Variants in TRPC4 observed in about 807,000 individuals in gnomAD.
TRPC4 encodes transient receptor potential cation channel subfamily C member 4, also known as short transient receptor potential channel 4.
TRPC4 carries 49 observed loss-of-function variants against 99.4 expected under a neutral mutation model. The ratio of observed to expected loss-of-function variants is 0.49; its 90% confidence interval spans 0.39 to 0.63. The LOEUF is 0.63. TRPC4 is among the 20% of genes least tolerant of loss of function. TRPC4 has a pLI of 0.00. For missense variants in TRPC4, 898 were observed against 1,152.9 expected (o/e 0.78, Z 3.20); for synonymous variants, 454 against 425.9 (o/e 1.07, Z -0.81).
chr13:37,822,507 G>A (rs1377215584), intron 1 of TRPC4, among the ~76,000 whole-genome samples: 6 of 149,040 alleles, frequency 4.0e-5, no homozygotes, highest in Non-Finnish European at 8.9e-5. Flanking sequence ...ATCTATGAGT[G>A]AGAATATGCG....
chr13:37,799,423 T>C (rs74047185), intron 1 of TRPC4, among the ~76,000 whole-genome samples: 3,568 of 152,268 alleles, frequency 0.023, 54 homozygotes, highest in Middle Eastern at 0.082. Context: ...AGAAACCCTC[T>C]TGACTGTCTA....
chr13:37,790,408 T>C (rs1238662718), intron 1 of TRPC4, among the ~76,000 whole-genome samples: 2 of 152,178 alleles, frequency 1.3e-5, no homozygotes, highest in African/African-American at 2.4e-5. Flanking sequence ...AACTTATTAA[T>C]AGCTATGTCA....
intron 8 of TRPC4, among the ~76,000 whole-genome samples, chr13:37,644,501 T>C (rs1405941460): frequency 6.6e-6 from 1 of 152,166 alleles, no homozygotes; most frequent in African/African-American, 2.4e-5. Context: ...GGTAGAATTA[T>C]AGCATGGTAG....
chr13:37,686,271 C>T (rs6563569), intron 4 of TRPC4, among the ~76,000 whole-genome samples: 84,812 of 151,644 alleles, frequency 0.56, 23,935 homozygotes, highest in Middle Eastern at 0.65. Flanking sequence ...TATATATATA[C>T]GCACACACAC....
intron 2 of TRPC4, among the ~76,000 whole-genome samples, chr13:37,762,358 C>G (rs540068583): frequency 6.6e-6 from 1 of 151,848 alleles, no homozygotes; most frequent in East Asian, 2.0e-4. Context: ...CCAGCCATCC[C>G]GTTACTGGTT....
At chr13:37,802,349 T>G (rs1239533146) in intron 1 of TRPC4, among the ~76,000 whole-genome samples, 2 of 152,148 alleles carry the variant, frequency 1.3e-5, no homozygotes, top group Admixed American at 1.3e-4. Flanking sequence ...GGATACCACA[T>G]TGCATTAGTC....
intron 3 of TRPC4, among the ~76,000 whole-genome samples, chr13:37,711,592 T>C (rs976219345): frequency 6.6e-6 from 1 of 152,058 alleles, no homozygotes; most frequent in Non-Finnish European, 1.5e-5. Context: ...CCATTCAAGA[T>C]ATAAGTCTCT....
At position 37,783,330 on chromosome 13, in the gene TRPC4, C is replaced by A; in HGVS notation, c.4G>T (p.Ala2Ser). The A allele has an allele frequency of 6.4e-7, 1 of 1,553,034 alleles. No homozygotes were observed. Among genetic ancestry groups the A allele is most frequent in the Non-Finnish European group, 8.7e-7 (1 of 1,150,832 alleles). ...ACATTTCTTTTGTAATAGAACTGAGCCATGTTTCATGCCATGCTATTTCTT... is the reference window on the plus strand; with the variant it reads ...ACATTTCTTTTGTAATAGAACTGAGACATGTTTCATGCCATGCTATTTCTT... Reference protein sequence around the residue: MAQFYYKRNVNA... With the variant: MSQFYYKRNVNA... Residue 2 changes from alanine (A) to serine (S), a missense_variant, in exon 2 of 11, where the codon GCT becomes TCT. By Grantham distance (99) the Ala-to-Ser change is moderately conservative. Transcript: ENST00000379705.
intron 1 of TRPC4, among the ~76,000 whole-genome samples, chr13:37,806,370 T>C (rs865910200): frequency 4.0e-4 from 61 of 152,128 alleles, no homozygotes; most frequent in African/African-American, 1.4e-3. Flanking sequence ...TTGGAACAAA[T>C]AAAAAGGTAG....
At chr13:37,866,664 T>A (rs549808378) in intron 1 of TRPC4, among the ~76,000 whole-genome samples, 34 of 151,898 alleles carry the variant, frequency 2.2e-4, no homozygotes, top group African/African-American at 7.7e-4. Context: ...TGATATTATA[T>A]CCCTGATCAA....
At chr13:37,739,851 A>G (rs919211121) in intron 3 of TRPC4, among the ~76,000 whole-genome samples, 1 of 152,114 alleles carries the variant, frequency 6.6e-6, no homozygotes, top group African/African-American at 2.4e-5. Flanking sequence ...ATAGCATGAA[A>G]TATTTTTCCC....
intron 1 of TRPC4, among the ~76,000 whole-genome samples, chr13:37,844,114 C>T (rs1958817392): frequency 2.0e-5 from 3 of 152,130 alleles, no homozygotes; most frequent in Admixed American, 2.0e-4. Flanking sequence ...TTGGAAATGC[C>T]AGCATGGCTA....
chr13:37,730,668 G>A lies in TRPC4; in HGVS notation c.897+15269C>T, dbSNP rs187377353. 8.6e-5 allele frequency among the ~76,000 whole-genome samples: 13 copies of A among 151,988 alleles called. No homozygotes were observed. The East Asian group carries it at 2.3e-3, about 27-fold the overall frequency. On this transcript the variant is annotated intron_variant, in intron 3 of 10. Coordinates refer to ENST00000379705, the MANE Select transcript of TRPC4 (RefSeq NM_016179.4). Reference sequence around the variant, plus strand: ...CAACCTTGATCTCTCTGAAGCTTAAGAAAGTAAAACAAGGTCTCCAAGATA... The same window carrying A: ...CAACCTTGATCTCTCTGAAGCTTAAAAAAGTAAAACAAGGTCTCCAAGATA...
intron 1 of TRPC4, among the ~76,000 whole-genome samples, chr13:37,838,090 C>T (rs538286139): frequency 6.6e-6 from 1 of 152,198 alleles, no homozygotes; most frequent in South Asian, 2.1e-4. Flanking sequence ...CACATGGAAC[C>T]GTAAGTCCAT....
intron 4 of TRPC4, among the ~76,000 whole-genome samples, chr13:37,684,881 C>G (rs943255480): frequency 1.3e-5 from 2 of 150,184 alleles, no homozygotes; most frequent in Non-Finnish European, 3.0e-5. Context: ...ATAAATTTAA[C>G]TTTAGAACAT....
Position 37,635,902 on chromosome 13 carries a change from C to T in TRPC4, c.*1001G>A, listed in dbSNP as rs964561724. Among the ~76,000 whole-genome samples the T allele has an allele frequency of 4.6e-5, 7 of 151,938 alleles. No homozygotes were observed. The highest frequency in any genetic ancestry group is 1.3e-4 in the Admixed American group (2 of 15,232). On this transcript the variant is annotated 3_prime_UTR_variant, in exon 11 of 11. Transcript: ENST00000379705. Reference sequence around the variant, plus strand: ...ATTTTAAAGAAATATATAAAGATTACTGGTGAAAAGAGGAGACTGCTAGTT... The same window carrying T: ...ATTTTAAAGAAATATATAAAGATTATTGGTGAAAAGAGGAGACTGCTAGTT...
chr13:37,743,990 A>G (rs1003895842), intron 3 of TRPC4, among the ~76,000 whole-genome samples: 3 of 152,182 alleles, frequency 2.0e-5, no homozygotes, highest in Non-Finnish European at 4.4e-5. Flanking sequence ...AGAGACCTAA[A>G]GAGCAACAGG....
At chr13:37,791,696 G>A (rs1403676391) in intron 1 of TRPC4, among the ~76,000 whole-genome samples, 4 of 152,088 alleles carry the variant, frequency 2.6e-5, no homozygotes, top group South Asian at 2.1e-4. Context: ...AGGGAAACAA[G>A]TTTTAAGATG....
chr13:37,705,669 C>T (rs560160134), intron 3 of TRPC4, among the ~76,000 whole-genome samples: 1 of 152,042 alleles, frequency 6.6e-6, no homozygotes, highest in East Asian at 1.9e-4. Flanking sequence ...TCCTTCTAAC[C>T]CATGGACCAT....
Sources: gnomAD v4.1 joint callset for allele counts (sites outside exome capture counted in the v4.1 genomes callset) on GRCh38, gnomAD v4.1.1 for gene constraint, MANE v1.5 for transcripts, NCBI Gene and HGNC (gene_info 2026-07-23, HGNC 2026-07-21) for gene names.